CAPN8: variants seen among roughly 807,000 people sequenced by gnomAD.
The protein encoded by CAPN8 is calpain 8.
Under a neutral mutation model 80.9 loss-of-function variants are expected in CAPN8, and 87 were observed. The ratio of observed to expected loss-of-function variants is 1.07; its 90% confidence interval spans 0.90 to 1.28. The LOEUF is 1.28. Among genes scored for constraint, CAPN8 ranks in the 50% most tolerant of loss-of-function variants. The pLI is 0.00. For missense variants in CAPN8, 757 were observed against 702.0 expected (o/e 1.08, Z -0.89); for synonymous variants, 299 against 273.8 (o/e 1.09, Z -0.91).
intron 3 of CAPN8, 133 bp from the exon 4 acceptor site, chr1:223,628,275 T>C (rs1231585387): frequency 2.0e-6 from 2 of 1,024,038 alleles, no homozygotes; most frequent in Non-Finnish European, 2.8e-6. Flanking sequence ...AGGACATGTG[T>C]CTGCCTTATC....
At chr1:223,617,198 A>C (rs938100497) in intron 9 of CAPN8, 9 of 149,890 alleles carry the variant, frequency 6.0e-5, no homozygotes, top group African/African-American at 2.2e-4. Context: ...GGTGACCAAG[A>C]GCCATTGATT....
rs886112499 is a variant in CAPN8 at position 223,653,283 on chromosome 1, G to T, written c.307+1047C>A. On this transcript the variant is annotated intron_variant, in intron 2 of 20. Transcript: ENST00000366872. ...TCCCGCTGCTTGATCGTCACGCTCT[G>T]TGAGCTCTTTCTAAGGTACATTTGC... Among the ~76,000 whole-genome samples, 8 of 151,594 alleles carry T rather than the reference G, an allele frequency of 5.3e-5. No homozygotes were observed. In the East Asian group the frequency reaches 1.6e-3, roughly 30 times the overall value.
intron 2 of CAPN8, among the ~76,000 whole-genome samples, chr1:223,641,359 C>T (rs1558352333): frequency 6.8e-6 from 1 of 147,350 alleles, no homozygotes; most frequent in African/African-American, 2.6e-5. Context: ...CTGATCAAGC[C>T]TTTTTTTAAA....
chr1:223,628,339 G>A (rs563055873), intron 3 of CAPN8, among the ~76,000 whole-genome samples, 197 bp from the exon 4 acceptor site: 3 of 152,314 alleles, frequency 2.0e-5, no homozygotes, highest in Non-Finnish European at 2.9e-5. Flanking sequence ...CAGGGTCTGC[G>A]TTTGTGCATC....
chr1:223,541,781 G>A lies in CAPN8; in HGVS notation c.*55C>T, dbSNP rs1656468788. ...ATGTTCACAAAATTGTAGAGAAGGG[G>A]TGACAAGAAGCAAGCAGTGGGGCAG... On this transcript the variant is annotated 3_prime_UTR_variant, in exon 21 of 21. Coordinates refer to ENST00000366872, the MANE Select transcript of CAPN8 (RefSeq NM_001143962.2). 1.3e-6 allele frequency: 2 copies of A among 1,551,234 alleles called. No homozygotes were observed. Among genetic ancestry groups the A allele is most frequent in the Admixed American group, 2.0e-5 (1 of 50,974 alleles).
rs1657312019 is a variant in CAPN8, at chr1:223,619,460, C to G, written c.975-7G>C. Reference sequence around the variant, plus strand: ...GAAATCTGAAAGTGACATCCTGGGGCAGAGGCACCAGAGGGCTCTCAGTGA... The same window carrying G: ...GAAATCTGAAAGTGACATCCTGGGGGAGAGGCACCAGAGGGCTCTCAGTGA... On this transcript the variant is annotated splice_region_variant and splice_polypyrimidine_tract_variant and intron_variant, in intron 8 of 20. Transcript: ENST00000366872. 1.9e-6 allele frequency: 3 copies of G among 1,551,284 alleles called. No individual in the cohort carries two copies. In the African/African-American group the frequency reaches 4.1e-5, roughly 21 times the overall value.
At chr1:223,642,649 G>A in intron 2 of CAPN8, 1 of 379,916 alleles carries the variant, frequency 2.6e-6, no homozygotes, top group Non-Finnish European at 5.1e-6. Context: ...AGGCTGACGG[G>A]TCATCTTTGA....
At chr1:223,544,211 G>A (rs1656555004) in intron 18 of CAPN8, 28 bp from the exon 19 acceptor site, 4 of 716,456 alleles carry the variant, frequency 5.6e-6, no homozygotes, top group South Asian at 4.4e-5. Flanking sequence ...CTGGGTCACA[G>A]GTAGAGTGGA....
intron 1 of CAPN8, among the ~76,000 whole-genome samples, chr1:223,660,070 G>A (rs1658605070): frequency 1.3e-5 from 2 of 152,116 alleles, no homozygotes; most frequent in South Asian, 4.1e-4. Context: ...AGAAAGAGTG[G>A]AAGCTCCAAG....
At chr1:223,543,922 T>C in intron 19 of CAPN8, 145 bp downstream of exon 19, 2 of 612,810 alleles carry the variant, frequency 3.3e-6, no homozygotes, top group Non-Finnish European at 5.9e-6. Flanking sequence ...GCCCCCAAGG[T>C]GCCAGCATTC....
chr1:223,554,623 T>A (rs992230927), intron 13 of CAPN8, among the ~76,000 whole-genome samples: 30 of 152,270 alleles, frequency 2.0e-4, no homozygotes, highest in Middle Eastern at 3.4e-3. Context: ...TTCATCAGAT[T>A]CACGAAGAGC....
At chr1:223,543,017 C>A (rs1444603096) in intron 20 of CAPN8, 91 bp downstream of exon 20, 6 of 1,422,142 alleles carry the variant, frequency 4.2e-6, no homozygotes, top group Non-Finnish European at 4.8e-6. Context: ...ACTAAGACAG[C>A]CAACAGGAAT....
chr1:223,555,072 CA>C (rs1234087181), intron 13 of CAPN8, among the ~76,000 whole-genome samples: 1 of 152,216 alleles, frequency 6.6e-6, no homozygotes, highest in African/African-American at 2.4e-5. Context: ...ATGCTGTACT[CA>C]TAAAGATAAC....
intron 19 of CAPN8, among the ~76,000 whole-genome samples, chr1:223,543,524 T>A (rs1656530566): frequency 6.6e-6 from 1 of 152,168 alleles, no homozygotes; most frequent in South Asian, 2.1e-4. Flanking sequence ...TCCCTTAGCT[T>A]TGTCTCTGGC....
chr1:223,613,453 T>A (rs2102699109), intron 10 of CAPN8, among the ~76,000 whole-genome samples: 1 of 152,274 alleles, frequency 6.6e-6, no homozygotes, highest in African/African-American at 2.4e-5. Context: ...CTTGACCACC[T>A]CTGCTGCCAT....
chr1:223,627,805 G>C (rs943307836), intron 4 of CAPN8, among the ~76,000 whole-genome samples: 1 of 152,186 alleles, frequency 6.6e-6, no homozygotes, highest in African/African-American at 2.4e-5. Context: ...ACCCGAGGCA[G>C]AGCTGAGATG....
chr1:223,545,106 A>G, intron 17 of CAPN8, 125 bp downstream of exon 17: 10 of 1,477,824 alleles, frequency 6.8e-6, no homozygotes, highest in Non-Finnish European at 7.3e-6. Context: ...CTTCATGACC[A>G]ATGTGCCCAG....
intron 2 of CAPN8, among the ~76,000 whole-genome samples, chr1:223,645,772 A>C (rs1266489210): frequency 6.6e-6 from 1 of 152,216 alleles, no homozygotes; most frequent in Non-Finnish European, 1.5e-5. Context: ...GTACTGGGTC[A>C]TGAAGCCTGG....
At chr1:223,541,934 C>T in intron 20 of CAPN8, 75 bp from the exon 21 acceptor site, 1 of 1,549,010 alleles carries the variant, frequency 6.5e-7, no homozygotes. Context: ...TGCTCTCCTG[C>T]CTCACATGGG....
Sources: gnomAD v4.1 joint callset for allele counts (sites outside exome capture counted in the v4.1 genomes callset) on GRCh38, gnomAD v4.1.1 for gene constraint, MANE v1.5 for transcripts, NCBI Gene and HGNC (gene_info 2026-07-23, HGNC 2026-07-21) for gene names.